PDK1: variants seen among roughly 807,000 people sequenced by gnomAD.
The protein encoded by PDK1 is [Pyruvate dehydrogenase (acetyl-transferring)] kinase isozyme 1, mitochondrial.
Under a neutral mutation model 54.2 loss-of-function variants are expected in PDK1, and 39 were observed. The observed-to-expected ratio is 0.72, with a 90% CI of 0.56 to 0.94. The LOEUF (loss-of-function observed/expected upper bound fraction) is 0.94, where lower values mean the gene tolerates loss of function less well. PDK1 is among the 40% of genes least tolerant of loss of function. The pLI is 0.00. For missense variants in PDK1, 552 were observed against 566.0 expected (o/e 0.98, Z 0.25); for synonymous variants, 221 against 207.1 (o/e 1.07, Z -0.58).
chr2:172,684,908 C>A, the PDK1 span, among the ~76,000 whole-genome samples: 5 of 152,118 alleles, frequency 3.3e-5, no homozygotes, highest in Non-Finnish European at 7.3e-5. Flanking sequence ...GAGAGAGGGA[C>A]CTGTAATCCC....
the PDK1 span, among the ~76,000 whole-genome samples, chr2:172,721,066 T>C: frequency 6.6e-6 from 1 of 152,206 alleles, no homozygotes; most frequent in Non-Finnish European, 1.5e-5. Context: ...TTCTGCAATT[T>C]GTTAGAAATT....
chr2:172,675,879 C>T, the PDK1 span, among the ~76,000 whole-genome samples: 1 of 152,084 alleles, frequency 6.6e-6, no homozygotes, highest in Non-Finnish European at 1.5e-5. Context: ...AAAGGACAGG[C>T]TGACTCTCTT....
At chr2:172,584,390 G>C (rs531214054) in intron 8 of PDK1, among the ~76,000 whole-genome samples, 1 of 148,922 alleles carries the variant, frequency 6.7e-6, no homozygotes, top group Admixed American at 6.7e-5. Flanking sequence ...TTTGTTTGTT[G>C]GTTGGTTTTT....
chr2:172,571,751 A>G (rs1340407839), intron 8 of PDK1, among the ~76,000 whole-genome samples: 1 of 151,804 alleles, frequency 6.6e-6, no homozygotes, highest in Non-Finnish European at 1.5e-5. Flanking sequence ...TGCAGAGACT[A>G]TAAAAATTCA....
At chr2:172,566,102 C>T (rs1363714636) in intron 5 of PDK1, among the ~76,000 whole-genome samples, 2 of 152,194 alleles carry the variant, frequency 1.3e-5, no homozygotes, top group Non-Finnish European at 2.9e-5. Context: ...CTAACCAACT[C>T]TTAAGTTTTG....
chr2:172,688,435 C>A, the PDK1 span, among the ~76,000 whole-genome samples: 1 of 152,146 alleles, frequency 6.6e-6, no homozygotes, highest in African/African-American at 2.4e-5. Context: ...TGATGTTTCC[C>A]TCATGACTGT....
rs1690969785 is a variant in PDK1, at chr2:172,597,824, G to T, written c.*1855G>T. 1 of 152,146 alleles carries T rather than the reference G, an allele frequency of 6.6e-6. No homozygotes were observed. The highest frequency in any genetic ancestry group is 6.5e-5 in the Admixed American group (1 of 15,270). The allele number at this position is 152,146 out of a possible 1,614,324, so 9.4% of individuals were successfully genotyped here. Reference sequence around the variant, plus strand: ...AGAAGAGTTTTGCCACTTAAACAGGGGAGCTTTGTCTGGAAAATACACTGA... The same window carrying T: ...AGAAGAGTTTTGCCACTTAAACAGGTGAGCTTTGTCTGGAAAATACACTGA... On this transcript the variant is annotated 3_prime_UTR_variant, in exon 11 of 11. Coordinates refer to ENST00000282077, the MANE Select transcript of PDK1 (RefSeq NM_002610.5).
downstream of PDK1, among the ~76,000 whole-genome samples, chr2:172,612,762 G>T (rs1351593755): frequency 2.0e-5 from 3 of 151,972 alleles, no homozygotes; most frequent in Non-Finnish European, 4.4e-5. Flanking sequence ...CTGCCTCCTG[G>T]GTTCAAGCAT....
chr2:172,580,238 C>CTT (rs11287577), intron 8 of PDK1, among the ~76,000 whole-genome samples: 2 of 127,304 alleles, frequency 1.6e-5, no homozygotes, highest in African/African-American at 2.9e-5. Flanking sequence ...GAATGTATCA[C>CTT]TTTTTTTTTT....
intron 8 of PDK1, among the ~76,000 whole-genome samples, chr2:172,573,208 A>G (rs962531165): frequency 1.3e-5 from 2 of 152,194 alleles, no homozygotes; most frequent in African/African-American, 4.8e-5. Context: ...ATTGTCATCA[A>G]CAATGTGTGA....
At chr2:172,624,764 C>T in the PDK1 span, among the ~76,000 whole-genome samples, 3 of 152,132 alleles carry the variant, frequency 2.0e-5, no homozygotes, top group Non-Finnish European at 2.9e-5. Flanking sequence ...TTTGGGAGGC[C>T]GAGGTGGGCG....
At chr2:172,683,279 G>A in the PDK1 span, among the ~76,000 whole-genome samples, 16 of 151,806 alleles carry the variant, frequency 1.1e-4, no homozygotes, top group Non-Finnish European at 1.6e-4. Flanking sequence ...CCCAGGAGGC[G>A]GAGCTTGCAG....
intron 8 of PDK1, among the ~76,000 whole-genome samples, chr2:172,575,250 T>C (rs1689515614): frequency 6.6e-6 from 1 of 152,204 alleles, no homozygotes; most frequent in South Asian, 2.1e-4. Flanking sequence ...GATTTTTACG[T>C]TGATGTTCAT....
chr2:172,643,631 G>C, the PDK1 span, among the ~76,000 whole-genome samples: 1 of 152,092 alleles, frequency 6.6e-6, no homozygotes, highest in Non-Finnish European at 1.5e-5. Context: ...GTGGCCAAGG[G>C]GCAGCTGCTT....
rs1342535184 is a variant in PDK1, at chr2:172,564,473, T to A, written c.411-30T>A. On this transcript the variant is annotated intron_variant, in intron 3 of 10. Transcript: ENST00000282077. ...GTATTAAGTTTACTTGTCAAAATATTTGGCTGTTTTGACAGATGGGTTTGT... is the reference window on the plus strand; with the variant it reads ...GTATTAAGTTTACTTGTCAAAATATATGGCTGTTTTGACAGATGGGTTTGT... 1.1e-5 allele frequency: 17 copies of A among 1,559,004 alleles called. No homozygotes were observed. The Admixed American group carries it at 2.9e-4, about 27-fold the overall frequency.
intron 9 of PDK1, among the ~76,000 whole-genome samples, chr2:172,586,915 A>G (rs1690261587): frequency 6.6e-6 from 1 of 152,140 alleles, no homozygotes; most frequent in Non-Finnish European, 1.5e-5. Context: ...AATAGGATCA[A>G]CTTTTGAATT....
the PDK1 span, among the ~76,000 whole-genome samples, chr2:172,675,133 C>T: frequency 3.4e-3 from 520 of 152,332 alleles, 3 homozygotes; most frequent in African/African-American, 8.0e-3. Flanking sequence ...CAGCTCCACT[C>T]ACTGGCTGCT....
intron 5 of PDK1, 107 bp from the exon 6 acceptor site, chr2:172,566,749 C>T (rs1334159433): frequency 1.8e-5 from 8 of 440,248 alleles, no homozygotes; most frequent in Admixed American, 7.8e-5. Flanking sequence ...ATATTTTCTT[C>T]TGTAGAGAGT....
At chr2:172,641,201 A>C in the PDK1 span, among the ~76,000 whole-genome samples, 1 of 149,470 alleles carries the variant, frequency 6.7e-6, no homozygotes, top group Non-Finnish European at 1.5e-5. Context: ...ATCATAACTC[A>C]CTGTAGCCTC....
Sources: allele counts gnomAD v4.1 joint callset (sites outside exome capture counted in the v4.1 genomes callset), GRCh38; gene constraint gnomAD v4.1.1; transcripts MANE v1.5; gene names NCBI Gene and HGNC (gene_info 2026-07-23, HGNC 2026-07-21).